TCTN2: variants seen among roughly 807,000 people sequenced by gnomAD.
TCTN2 encodes tectonic-2.
A neutral mutation model predicts 83.4 loss-of-function variants in TCTN2; 66 were observed. That is an observed-to-expected ratio of 0.79 (90% CI 0.65 to 0.97). TCTN2 has a LOEUF of 0.97. Ranked by LOEUF, TCTN2 falls within the 50% of genes least tolerant of loss-of-function variation. The probability of loss-of-function intolerance (pLI) is 0.00; values close to 1 mark genes in which losing one functional copy is unlikely to be tolerated. For synonymous variants in TCTN2, 301 were observed against 326.7 expected (o/e 0.92, Z 0.85); for missense variants, 794 against 858.1 (o/e 0.93, Z 0.93).
chr12:123,693,256 C>T (rs1956066988), intron 9 of TCTN2, among the ~76,000 whole-genome samples: 1 of 151,616 alleles, frequency 6.6e-6, no homozygotes, highest in Admixed American at 6.6e-5. Context: ...GAACTCCCGA[C>T]CTCAGGTGAT....
chr12:123,672,200 C>G (rs1240648442), intron 3 of TCTN2, 68 bp downstream of exon 3: 19 of 1,332,924 alleles, frequency 1.4e-5, no homozygotes, highest in South Asian at 2.3e-5. Flanking sequence ...CTGCAGTGCT[C>G]TCTTTATTTA....
intron 17 of TCTN2, 66 bp from the exon 18 acceptor site, chr12:123,707,538 T>G: frequency 2.7e-6 from 4 of 1,471,290 alleles, no homozygotes; most frequent in Non-Finnish European, 2.8e-6. Flanking sequence ...ACACCCAGCC[T>G]ATACCTACAC....
chr12:123,696,394 T>C (rs1424558138), intron 11 of TCTN2, 21 bp from the exon 12 acceptor site: 1 of 1,605,288 alleles, frequency 6.2e-7, no homozygotes, highest in African/African-American at 1.3e-5. Context: ...AGGCTCACGT[T>C]CCTTTGTTGT....
chr12:123,674,495 C>A (rs1299608831), intron 4 of TCTN2, among the ~76,000 whole-genome samples: 1 of 152,178 alleles, frequency 6.6e-6, no homozygotes, highest in East Asian at 1.9e-4. Flanking sequence ...GTCTTGATCT[C>A]CTGACCTTGT....
chr12:123,673,267 T>G (rs962091323), intron 3 of TCTN2, among the ~76,000 whole-genome samples: 1 of 152,142 alleles, frequency 6.6e-6, no homozygotes, highest in Non-Finnish European at 1.5e-5. Context: ...TGGGATAAAC[T>G]GAGGATTGTT....
chr12:123,692,411 A>C (rs986388787), intron 8 of TCTN2, among the ~76,000 whole-genome samples: 1 of 152,052 alleles, frequency 6.6e-6, no homozygotes, highest in Non-Finnish European at 1.5e-5. Flanking sequence ...ATTTGTTTTT[A>C]TGTCACAGTG....
At chr12:123,689,469 T>A (rs963740458) in intron 7 of TCTN2, among the ~76,000 whole-genome samples, 1 of 152,196 alleles carries the variant, frequency 6.6e-6, no homozygotes, top group Non-Finnish European at 1.5e-5. Flanking sequence ...GTGTGAGCCT[T>A]GATGCCTGGC....
At chr12:123,677,898 G>A (rs748319062) in intron 4 of TCTN2, among the ~76,000 whole-genome samples, 2 of 152,126 alleles carry the variant, frequency 1.3e-5, no homozygotes, top group South Asian at 2.1e-4. Context: ...CCAAAGTGCT[G>A]GGATTACGGG....
At chr12:123,707,235 T>G (rs1244697201) in intron 17 of TCTN2, 162 bp downstream of exon 17, 2 of 700,650 alleles carry the variant, frequency 2.9e-6, no homozygotes, top group Admixed American at 5.2e-5. Flanking sequence ...TGTTTTGGCT[T>G]AGTTTATTTC....
Position 123,687,918 on chromosome 12 carries a change from C to T in TCTN2, c.765-133C>T, listed in dbSNP as rs1955992964. The stretch of plus-strand genomic sequence containing the variant: ...GGCGGAGGTAGCAGTGAACAAAGAT[C>T]ACGCCACTGCACTCCAGCCTGGGTG... On this transcript the variant is annotated intron_variant, in intron 6 of 17. Coordinates refer to ENST00000303372, the MANE Select transcript of TCTN2 (RefSeq NM_024809.5). 9 of 1,220,032 alleles carry T rather than the reference C, an allele frequency of 7.4e-6. No individual in the cohort carries two copies. The Admixed American group carries it at 9.0e-5, about 12-fold the overall frequency. 75.6% of individuals were successfully genotyped at this position (1,220,032 alleles called of 1,614,324 possible). A position where few individuals can be genotyped will look rare whatever the true frequency, so the allele number is the denominator to read the frequency against.
intron 7 of TCTN2, among the ~76,000 whole-genome samples, chr12:123,688,709 A>G (rs1956006563): frequency 6.6e-6 from 1 of 152,166 alleles, no homozygotes; most frequent in Admixed American, 6.6e-5. Flanking sequence ...AACTTACAAA[A>G]TAAAACCAAA....
At chr12:123,699,450 C>T (rs1457695354) in intron 13 of TCTN2, among the ~76,000 whole-genome samples, 5 of 152,114 alleles carry the variant, frequency 3.3e-5, no homozygotes, top group African/African-American at 7.2e-5. Flanking sequence ...CCACTGCACC[C>T]GGCCAAGTTA....
chr12:123,693,315 C>T (rs111590953), intron 9 of TCTN2, among the ~76,000 whole-genome samples: 2 of 150,074 alleles, frequency 1.3e-5, no homozygotes, highest in East Asian at 4.0e-4. Context: ...TGTGAGCCAC[C>T]GCGCCCGACC....
rs774506700 is a variant in TCTN2 at position 123,706,839 on chromosome 12, A to G, written c.1883A>G (p.His628Arg). ...ATTAAAATTCCTGCACAGTTACCCCACCCCCTGACAAGGTACTCCAGTTGC... is the reference window on the plus strand; with the variant it reads ...ATTAAAATTCCTGCACAGTTACCCCGCCCCCTGACAAGGTACTCCAGTTGC... ...QFIKIPAQLP[H>R]PLTRFQINYT... The change falls in exon 16 of 18, where the codon CAC becomes CGC. Residue 628 changes from histidine to arginine, a missense_variant. Coordinates refer to ENST00000303372, the MANE Select transcript of TCTN2 (RefSeq NM_024809.5). The G allele has an allele frequency of 1.3e-5, 21 of 1,613,458 alleles. No homozygotes were observed. The highest frequency in any genetic ancestry group is 1.8e-5 in the Non-Finnish European group (21 of 1,179,862).
intron 11 of TCTN2, chr12:123,695,537 T>C (rs954738551): frequency 1.8e-5 from 7 of 389,034 alleles, no homozygotes; most frequent in African/African-American, 1.0e-4. Context: ...TTTTCTTGCC[T>C]CAGCCTCCTG....
chr12:123,693,852 CT>C, intron 9 of TCTN2, among the ~76,000 whole-genome samples: 1 of 150,780 alleles, frequency 6.6e-6, no homozygotes, highest in Admixed American at 6.6e-5. Flanking sequence ...GAGTCTTGCT[CT>C]GTCGCCCAGG....
At chr12:123,705,007 G>T (rs968382101) in intron 15 of TCTN2, among the ~76,000 whole-genome samples, 1 of 152,014 alleles carries the variant, frequency 6.6e-6, no homozygotes, top group African/African-American at 2.4e-5. Flanking sequence ...AGAGAATATT[G>T]TCTGTGGTTA....
chr12:123,679,885 G>A (rs868083552), intron 5 of TCTN2, among the ~76,000 whole-genome samples: 32 of 148,980 alleles, frequency 2.1e-4, no homozygotes, highest in Middle Eastern at 6.8e-3. Flanking sequence ...GACTACAGGC[G>A]CCCACCACCA....
At chr12:123,687,964 A>T (rs1566252657) in intron 6 of TCTN2, 87 bp from the exon 7 acceptor site, 1 of 1,566,398 alleles carries the variant, frequency 6.4e-7, no homozygotes, top group East Asian at 2.3e-5. Flanking sequence ...ACTCCATCTC[A>T]GAAAACAAGA....
Sources: gnomAD v4.1 joint callset for allele counts (sites outside exome capture counted in the v4.1 genomes callset) on GRCh38, gnomAD v4.1.1 for gene constraint, MANE v1.5 for transcripts, NCBI Gene and HGNC (gene_info 2026-07-23, HGNC 2026-07-21) for gene names.